SPATS2: variants seen among roughly 807,000 people sequenced by gnomAD.
SPATS2 encodes the protein spermatogenesis associated serine rich 2, also known as spermatogenesis-associated serine-rich protein 2.
A neutral mutation model predicts 63.7 loss-of-function variants in SPATS2; 38 were observed. The ratio of observed to expected loss-of-function variants is 0.60; its 90% CI spans 0.46 to 0.78. SPATS2 has a LOEUF of 0.78. Ranked by LOEUF, SPATS2 falls within the 30% of genes least tolerant of loss-of-function variation. The probability of loss-of-function intolerance (pLI) is 0.00; values close to 1 mark genes in which losing one functional copy is unlikely to be tolerated. For missense variants in SPATS2, 588 were observed against 666.2 expected (o/e 0.88, Z 1.29); for synonymous variants, 207 against 232.9 (o/e 0.89, Z 1.01).
At chr12:49,375,813 A>G (rs1312677743) in intron 2 of SPATS2, among the ~76,000 whole-genome samples, 1 of 151,570 alleles carries the variant, frequency 6.6e-6, no homozygotes, top group African/African-American at 2.4e-5. Context: ...TGTAGCTTAA[A>G]CTTCTTTTTT....
chr12:49,507,293 A>C (rs570287266), intron 9 of SPATS2, among the ~76,000 whole-genome samples: 35 of 152,288 alleles, frequency 2.3e-4, no homozygotes, highest in African/African-American at 7.5e-4. Context: ...AATCATTATC[A>C]AGCTATGTAA....
At chr12:49,486,814 A>G (rs1182303065) in intron 4 of SPATS2, among the ~76,000 whole-genome samples, 1 of 151,876 alleles carries the variant, frequency 6.6e-6, no homozygotes, top group African/African-American at 2.4e-5. Context: ...GAGAGAAACC[A>G]GTATCTAGGA....
At chr12:49,469,073 C>T (rs1372232334) in intron 3 of SPATS2, among the ~76,000 whole-genome samples, 1 of 151,824 alleles carries the variant, frequency 6.6e-6, no homozygotes, top group Non-Finnish European at 1.5e-5. Context: ...GCCTGAGTAA[C>T]ACAGTGAGAC....
At chr12:49,416,673 T>C (rs1944895137) in intron 2 of SPATS2, among the ~76,000 whole-genome samples, 1 of 151,872 alleles carries the variant, frequency 6.6e-6, no homozygotes, top group Non-Finnish European at 1.5e-5. Flanking sequence ...TTAGTAGAGG[T>C]GGGGTTTCAC....
chr12:49,414,922 TTTTTTTCTTTTTC>T (rs964835679), intron 2 of SPATS2, among the ~76,000 whole-genome samples: 8 of 120,194 alleles, frequency 6.7e-5, no homozygotes, highest in African/African-American at 1.4e-4. Flanking sequence ...TTTCTTTTTC[TTTTTTTCTTTTTC>T]TTTTCTTTTT....
At chr12:49,410,181 T>G (rs2137353179) in intron 2 of SPATS2, among the ~76,000 whole-genome samples, 1 of 152,222 alleles carries the variant, frequency 6.6e-6, no homozygotes, top group Middle Eastern at 3.4e-3. Context: ...GCTCTAGCAA[T>G]TCTCCTGCCT....
Position 49,500,633 on chromosome 12 carries a change from G to A in SPATS2, c.839+428G>A, listed in dbSNP as rs370356293. 4.7e-4 allele frequency among the ~76,000 whole-genome samples: 72 copies of A among 152,148 alleles called. No individual in the cohort carries two copies. The South Asian group carries it at 0.012, about 26-fold the overall frequency. On this transcript the variant is annotated intron_variant, in intron 9 of 13. Transcript: ENST00000552918. ...TAAAAATACAAAAAATTAGCTGGGT[G>A]TGGTGGCGCGCGCCTGTAGTCCTAG... is the stretch of plus-strand genomic sequence containing the variant.
intron 2 of SPATS2, chr12:49,454,152 T>A (rs1848958566): frequency 6.6e-6 from 1 of 152,208 alleles, no homozygotes; most frequent in South Asian, 2.1e-4. Context: ...CACGAGCCAC[T>A]GCACCTGGCC....
chr12:49,367,396 AGT>A (rs1464309973), upstream of SPATS2: 1 of 374,114 alleles, frequency 2.7e-6, no homozygotes, highest in Non-Finnish European at 4.7e-6. Context: ...CCAGGAGAGA[AGT>A]GGGGAGGCGG....
chr12:49,399,836 G>A (rs1944574341), intron 2 of SPATS2, among the ~76,000 whole-genome samples: 2 of 152,098 alleles, frequency 1.3e-5, no homozygotes, highest in South Asian at 4.1e-4. Flanking sequence ...AGGAGATCAG[G>A]ACCATCCTGG....
intron 3 of SPATS2, among the ~76,000 whole-genome samples, chr12:49,470,701 C>A (rs1423011909): frequency 6.6e-6 from 1 of 152,148 alleles, no homozygotes; most frequent in African/African-American, 2.4e-5. Flanking sequence ...CCTTCAGTTA[C>A]CTTTTTTTGA....
At chr12:49,504,790 T>TA (rs1946629751) in intron 9 of SPATS2, among the ~76,000 whole-genome samples, 1 of 148,480 alleles carries the variant, frequency 6.7e-6, no homozygotes, top group Non-Finnish European at 1.5e-5. Flanking sequence ...TTTTTTTTTT[T>TA]AAGACAGGGT....
At chr12:49,492,794 A>G (rs960089175) in intron 6 of SPATS2, among the ~76,000 whole-genome samples, 5 of 152,106 alleles carry the variant, frequency 3.3e-5, no homozygotes, top group Admixed American at 6.6e-5. Context: ...CATGGGGGAA[A>G]GTAAGAAAAA....
intron 11 of SPATS2, among the ~76,000 whole-genome samples, chr12:49,520,351 C>T (rs1026649791): frequency 6.6e-6 from 1 of 152,108 alleles, no homozygotes; most frequent in Non-Finnish European, 1.5e-5. Flanking sequence ...CTCCTGACCT[C>T]AGGTGATCTA....
intron 2 of SPATS2, among the ~76,000 whole-genome samples, chr12:49,431,008 C>T (rs1241848504): frequency 6.6e-6 from 1 of 151,950 alleles, no homozygotes; most frequent in East Asian, 1.9e-4. Context: ...AAAAAGGGTG[C>T]GCTATTAATT....
intron 2 of SPATS2, among the ~76,000 whole-genome samples, chr12:49,452,963 C>T (rs982109644): frequency 6.6e-6 from 1 of 151,838 alleles, no homozygotes; most frequent in African/African-American, 2.4e-5. Flanking sequence ...CGAGACCATC[C>T]TGGCTAACAC....
At position 49,444,867 on chromosome 12, in the gene SPATS2, G is replaced by C. The variant is rs543408340; in HGVS notation, c.-243-15903G>C. On this transcript the variant is annotated intron_variant, in intron 2 of 13. Transcript: ENST00000552918. ...GATCCACCGGCCTCAGCCTCCCAAA[G>C]TGCAGGGATTACAGGTGTCAGCCAC... is the stretch of plus-strand genomic sequence containing the variant. Among the ~76,000 whole-genome samples the C allele has an allele frequency of 2.0e-5, 3 of 152,286 alleles. No homozygotes were observed. In the South Asian group the frequency reaches 6.2e-4, roughly 32 times the overall value.
intron 4 of SPATS2, chr12:49,486,315 C>T (rs1433756684): frequency 7.1e-6 from 3 of 420,370 alleles, no homozygotes; most frequent in Admixed American, 2.6e-5. Flanking sequence ...AAGTGATTCT[C>T]CTGCCTCAAC....
intron 2 of SPATS2, among the ~76,000 whole-genome samples, chr12:49,381,766 G>A (rs541421596): frequency 6.6e-5 from 10 of 152,100 alleles, no homozygotes; most frequent in Non-Finnish European, 1.5e-4. Flanking sequence ...TTGCATCTTG[G>A]TTTTATGGGG....
Sources: gnomAD v4.1 joint callset for allele counts (sites outside exome capture counted in the v4.1 genomes callset) on GRCh38, gnomAD v4.1.1 for gene constraint, MANE v1.5 for transcripts, NCBI Gene and HGNC (gene_info 2026-07-23, HGNC 2026-07-21) for gene names.